Variants in MYO9B observed in about 807,000 individuals in gnomAD.
The protein encoded by MYO9B is unconventional myosin-IXb.
MYO9B carries 71 observed loss-of-function variants against 229.5 expected under a neutral mutation model. The observed-to-expected ratio is 0.31, with a 90% CI of 0.26 to 0.38. MYO9B has a LOEUF of 0.38. Ranked by LOEUF, MYO9B falls within the 10% of genes least tolerant of loss-of-function variation. The pLI is 1.00. For missense variants in MYO9B, 2,255 were observed against 2,920.5 expected, an observed-to-expected ratio of 0.77 and a Z score of 5.25; for synonymous variants, 1,185 against 1,235.8, an observed-to-expected ratio of 0.96 and a Z score of 0.86.
chr19:17,181,019 A>G lies in MYO9B; in HGVS notation c.2312A>G (p.Gln771Arg). The G allele has an allele frequency of 1.2e-6, 2 of 1,610,870 alleles. No individual in the cohort carries two copies. The highest frequency in any genetic ancestry group is 2.2e-5 in the East Asian group (1 of 44,638). Residue 771 changes from glutamine to arginine, a missense_variant, in exon 15 of 40, where the codon CAG becomes CGG. Coordinates refer to ENST00000682292, the MANE Select transcript of MYO9B (RefSeq NM_004145.4). ...RSLLQSLSRL[Q>R]KPRAFILKSK... ...CTTCTCCAGTCCCTCAGTCGGCTCCAGAAACCCCGCGCCTTCATCCTGTGA... is the reference window on the plus strand; with the variant it reads ...CTTCTCCAGTCCCTCAGTCGGCTCCGGAAACCCCGCGCCTTCATCCTGTGA...
chr19:17,137,955 G>A (rs190263643), intron 2 of MYO9B, among the ~76,000 whole-genome samples: 1 of 151,114 alleles, frequency 6.6e-6, no homozygotes, highest in Non-Finnish European at 1.5e-5. Context: ...AGAACGTGCA[G>A]TTTCGTTACA....
intron 15 of MYO9B, 80 bp from the exon 16 acceptor site, chr19:17,183,749 C>T: frequency 7.9e-7 from 1 of 1,258,584 alleles, no homozygotes. Context: ...TCTAACCCGC[C>T]AGGCGTGGCT....
chr19:17,183,982 C>T, intron 16 of MYO9B, 114 bp downstream of exon 16: 1 of 1,051,550 alleles, frequency 9.5e-7, no homozygotes, highest in Non-Finnish European at 1.4e-6. Flanking sequence ...ACTATCTCCC[C>T]CTCCCTCCAA....
intron 2 of MYO9B, among the ~76,000 whole-genome samples, chr19:17,136,192 G>T (rs1047133610): frequency 1.3e-5 from 2 of 152,160 alleles, no homozygotes; most frequent in African/African-American, 4.8e-5. Flanking sequence ...GTGAGGCTGG[G>T]CTTCGTGCTG....
chr19:17,132,928 A>C (rs533291857), intron 2 of MYO9B, among the ~76,000 whole-genome samples: 1 of 149,778 alleles, frequency 6.7e-6, no homozygotes, highest in African/African-American at 2.5e-5. Context: ...GCTCACTGCA[A>C]GCTCCACCTC....
At chr19:17,144,707 G>A (rs1201711496) in intron 2 of MYO9B, among the ~76,000 whole-genome samples, 1 of 152,036 alleles carries the variant, frequency 6.6e-6, no homozygotes, top group African/African-American at 2.4e-5. Context: ...GGTGGCTCAT[G>A]CCTATAATCC....
At position 17,207,107 on chromosome 19, in the gene MYO9B, G is replaced by T; in HGVS notation, c.5493-6G>T. 6.2e-7 allele frequency: 1 copy of T among 1,610,538 alleles called. No individual in the cohort carries two copies. On this transcript the variant is annotated splice_region_variant and splice_polypyrimidine_tract_variant and intron_variant, in intron 34 of 39. Coordinates refer to ENST00000682292, the MANE Select transcript of MYO9B (RefSeq NM_004145.4). ...AGCCATCCTCTAACTGCCAGTGGCT[G>T]TGCAGGGTGGCCCTGCTCGAGGATG... is the stretch of plus-strand genomic sequence containing the variant.
At chr19:17,206,908 G>A (rs762091796) in intron 34 of MYO9B, 124 bp downstream of exon 34, 3 of 1,220,552 alleles carry the variant, frequency 2.5e-6, no homozygotes, top group South Asian at 2.6e-5. Flanking sequence ...GCAGACCACT[G>A]TTGGGGGTTC....
At chr19:17,191,321 G>A in intron 20 of MYO9B, 102 bp downstream of exon 20, 1 of 1,365,636 alleles carries the variant, frequency 7.3e-7, no homozygotes, top group Non-Finnish European at 9.8e-7. Context: ...AAACATACAG[G>A]GCTCTGTCTA....
At chr19:17,174,273 C>T (rs769758595) in intron 13 of MYO9B, among the ~76,000 whole-genome samples, 2 of 152,094 alleles carry the variant, frequency 1.3e-5, no homozygotes, top group African/African-American at 2.4e-5. Flanking sequence ...CCTCACGATC[C>T]GTCTGGCTCG....
In MYO9B at chr19:17,206,121, C is replaced by T; in HGVS notation, c.5226C>T (p.Arg1742=). The T allele has an allele frequency of 6.2e-7, 1 of 1,607,220 alleles. No individual in the cohort carries two copies. The highest frequency in any genetic ancestry group is 1.1e-5 in the South Asian group (1 of 90,766). The change falls in exon 32 of 40, where the codon CGC becomes CGT. Residue 1742 remains arginine (R), a synonymous_variant. Coordinates refer to ENST00000682292, the MANE Select transcript of MYO9B (RefSeq NM_004145.4). Reference sequence around the variant, plus strand: ...ACCGCAAGTCGGGTGCTGCCAACCGCACTCGGGAGCTCCGGCAGGCGCTGC... The same window carrying T: ...ACCGCAAGTCGGGTGCTGCCAACCGTACTCGGGAGCTCCGGCAGGCGCTGC... ...GLYRKSGAAN[R]TRELRQALQT...
In MYO9B at chr19:17,194,536, C is replaced by G. The variant is rs748222855; in HGVS notation, c.3129-20C>G. 4.3e-6 allele frequency: 7 copies of G among 1,609,432 alleles called. No homozygotes were observed. The highest frequency in any genetic ancestry group is 5.1e-6 in the Non-Finnish European group (6 of 1,178,552). ...GAGTGTTTGTTTCTGAACCAGCTGT[C>G]TGCTTTTTCCTCACTCCAGCTTCAG... On this transcript the variant is annotated intron_variant, in intron 21 of 39. Transcript: ENST00000682292.
In MYO9B at chr19:17,195,198, C is replaced by G. The variant is rs771425776; in HGVS notation, c.3771C>G (p.Asp1257Glu). The change falls in exon 22 of 40, where the codon GAC (aspartate) becomes GAG (glutamate). Residue 1257 changes from aspartate (D) to glutamate (E), a missense_variant. Asp to Glu is a conservative substitution (Grantham distance 45). Around this residue, in one of 7 missense-constraint regions of MYO9B, gnomAD observed 679 missense variants for 770.2 expected, o/e 0.88. Coordinates refer to ENST00000682292, the MANE Select transcript of MYO9B (RefSeq NM_004145.4). The surrounding 1 kb of genome is among the most constrained non-coding windows in gnomAD (Gnocchi z 4.5). Reference sequence around the variant, plus strand: ...AGCGGCCGACCAGCCTGGCCCTGGACAGCAGGGTCAGCCCACCGGCCCCTG... The same window carrying G: ...AGCGGCCGACCAGCCTGGCCCTGGAGAGCAGGGTCAGCCCACCGGCCCCTG... ...QLERPTSLAL[D>E]SRVSPPAPGS... 1.9e-6 allele frequency: 3 copies of G among 1,611,742 alleles called. No homozygotes were observed. The highest frequency in any genetic ancestry group is 1.7e-5 in the Admixed American group (1 of 59,838).
At chr19:17,148,117 G>A (rs1448729626) in intron 3 of MYO9B, among the ~76,000 whole-genome samples, 4 of 152,192 alleles carry the variant, frequency 2.6e-5, no homozygotes, top group East Asian at 3.9e-4. Flanking sequence ...TCTTTTGCAC[G>A]ATCCTATCTG....
At chr19:17,194,303 A>G (rs2073017074) in intron 21 of MYO9B, among the ~76,000 whole-genome samples, 2 of 152,286 alleles carry the variant, frequency 1.3e-5, no homozygotes, top group South Asian at 4.1e-4. Context: ...CACAGCCCCA[A>G]CAAGGGTCCT....
intron 14 of MYO9B, among the ~76,000 whole-genome samples, chr19:17,179,130 G>A (rs1403385363): frequency 6.6e-6 from 1 of 151,626 alleles, no homozygotes; most frequent in Non-Finnish European, 1.5e-5. Flanking sequence ...GTGTTGAGCA[G>A]CATCCCTGGC....
chr19:17,168,373 C>T (rs577275142), intron 11 of MYO9B, among the ~76,000 whole-genome samples: 1 of 152,238 alleles, frequency 6.6e-6, no homozygotes, highest in Admixed American at 6.5e-5. Context: ...GTCATGTTTT[C>T]CAGGCTGGTC....
chr19:17,172,426 G>A lies in MYO9B; in HGVS notation c.1884G>A (p.Glu628=). 1.9e-6 allele frequency: 3 copies of A among 1,613,914 alleles called. No individual in the cohort carries two copies. Among genetic ancestry groups the A allele is most frequent in the Non-Finnish European group, 2.5e-6 (3 of 1,179,870 alleles). ...NKYFLGTPVM[E]PAFIIQHFAG... ...ACTTCCTGGGCACCCCGGTCATGGA[G>A]CCAGCTTTCATCATCCAGCACTTCG... Residue 628 remains glutamate, a synonymous_variant, in exon 12 of 40, where the codon GAG becomes GAA. Coordinates refer to ENST00000682292, the MANE Select transcript of MYO9B (RefSeq NM_004145.4). This position sits in a 1 kb window ranked among gnomAD's most constrained non-coding sequence, Gnocchi z 8.2.
chr19:17,115,469 C>CTTTT (rs35124094), intron 2 of MYO9B, among the ~76,000 whole-genome samples: 48 of 132,504 alleles, frequency 3.6e-4, no homozygotes, highest in Non-Finnish European at 5.7e-4. Flanking sequence ...TCACAGATGC[C>CTTTT]TTTTTTTTTT....
Sources: allele counts gnomAD v4.1 joint callset (sites outside exome capture counted in the v4.1 genomes callset), GRCh38; gene constraint gnomAD v4.1.1; regional missense constraint gnomAD v4.1.1; non-coding constraint Gnocchi (gnomAD v3.1); transcripts MANE v1.5; gene names NCBI Gene and HGNC (gene_info 2026-07-23, HGNC 2026-07-21).